The following GFRA1 variants were observed in gnomAD, a reference collection of about 807,000 sequenced individuals.
GFRA1 encodes GDNF family receptor alpha 1.
Under a neutral mutation model 51.6 loss-of-function variants are expected in GFRA1, and 16 were observed. The observed-to-expected ratio is 0.31, with a 90% confidence interval of 0.21 to 0.47. The LOEUF is 0.47. Among genes scored for constraint, GFRA1 ranks in the 20% least tolerant of loss-of-function variants. The probability of loss-of-function intolerance (pLI) is 1.00; values close to 1 mark genes in which losing one functional copy is unlikely to be tolerated. For missense variants in GFRA1, 530 were observed against 594.3 expected, an observed-to-expected ratio of 0.89 and a Z score of 1.13; for synonymous variants, 270 against 241.3, an observed-to-expected ratio of 1.12 and a Z score of -1.10.
intron 6 of GFRA1, among the ~76,000 whole-genome samples, chr10:116,116,167 T>C (rs568553337): frequency 2.0e-5 from 3 of 152,278 alleles, no homozygotes; most frequent in South Asian, 4.1e-4. Flanking sequence ...CGATCTCCAC[T>C]CACTGCAGCC....
Position 116,184,483 on chromosome 10 carries a change from T to C in GFRA1, c.433+27148A>G, listed in dbSNP as rs993128450. On this transcript the variant is annotated intron_variant, in intron 5 of 10. Transcript: ENST00000355422. ...TGTGCTTCCCCAGTGGAGCAACACA[T>C]CTTCCTTCATGAGGCCTGGCAGGGA... Among the ~76,000 whole-genome samples, 3 of 152,210 alleles carry C rather than the reference T, an allele frequency of 2.0e-5. No homozygotes were observed. In the East Asian group the frequency reaches 5.8e-4, roughly 29 times the overall value.
chr10:116,157,273 C>A (rs912322962), intron 5 of GFRA1, among the ~76,000 whole-genome samples: 1 of 152,128 alleles, frequency 6.6e-6, no homozygotes, highest in African/African-American at 2.4e-5. Flanking sequence ...AATGTCTATG[C>A]CAAAGTAGAA....
intron 9 of GFRA1, among the ~76,000 whole-genome samples, chr10:116,068,936 C>G (rs187964204): frequency 1.8e-4 from 28 of 152,328 alleles, no homozygotes; most frequent in Non-Finnish European, 3.4e-4. Flanking sequence ...AAACCCCAAA[C>G]TCCTGAGACT....
intron 8 of GFRA1, among the ~76,000 whole-genome samples, chr10:116,092,502 G>C (rs559037592): frequency 1.0e-3 from 156 of 152,232 alleles, no homozygotes; most frequent in Non-Finnish European, 1.9e-4. Flanking sequence ...GCTCTCAGAG[G>C]GGTGGGTGGC....
At chr10:116,262,914 T>G (rs1203985751) in intron 4 of GFRA1, among the ~76,000 whole-genome samples, 2 of 152,166 alleles carry the variant, frequency 1.3e-5, no homozygotes, top group African/African-American at 4.8e-5. Context: ...AAGGGAAGGC[T>G]GATCACAAGA....
At chr10:116,216,986 C>T (rs766111179) in intron 4 of GFRA1, among the ~76,000 whole-genome samples, 2 of 152,158 alleles carry the variant, frequency 1.3e-5, no homozygotes, top group Admixed American at 1.3e-4. Flanking sequence ...AACAAGAATT[C>T]AGTCGGTACA....
At position 116,271,796 on chromosome 10, in the gene GFRA1, C is replaced by T. The variant is rs368002157; in HGVS notation, c.40+194G>A. 1.4e-4 allele frequency among the ~76,000 whole-genome samples: 22 copies of T among 152,242 alleles called. No homozygotes were observed. In the East Asian group the frequency reaches 4.1e-3, roughly 28 times the overall value. On this transcript the variant is annotated intron_variant, in intron 2 of 10. Coordinates refer to ENST00000355422, the MANE Select transcript of GFRA1 (RefSeq NM_005264.8). The stretch of plus-strand genomic sequence containing the variant: ...GGAAATCAAAACCAAGCCCGAAAAG[C>T]TTCAGGCAGCGCCGCGCCGCCACCG...
intron 5 of GFRA1, among the ~76,000 whole-genome samples, chr10:116,181,114 C>T (rs1962174521): frequency 6.6e-6 from 1 of 152,114 alleles, no homozygotes; most frequent in South Asian, 2.1e-4. Context: ...TTTCTGGGAA[C>T]CCAGGTACAA....
At chr10:116,252,093 C>A (rs1407235988) in intron 4 of GFRA1, among the ~76,000 whole-genome samples, 2 of 148,982 alleles carry the variant, frequency 1.3e-5, no homozygotes, top group Non-Finnish European at 3.0e-5. Flanking sequence ...AAATATTTGC[C>A]GGGCATTTCC....
chr10:116,135,612 A>G (rs1300549717), intron 5 of GFRA1, among the ~76,000 whole-genome samples: 1 of 152,178 alleles, frequency 6.6e-6, no homozygotes, highest in East Asian at 1.9e-4. Context: ...AAGTATAGAG[A>G]GGCACAATTA....
In GFRA1 at chr10:116,269,975, T is replaced by C. The variant is rs954938107; in HGVS notation, c.335-389A>G. On this transcript the variant is annotated intron_variant, in intron 3 of 10. Coordinates refer to ENST00000355422, the MANE Select transcript of GFRA1 (RefSeq NM_005264.8). The stretch of plus-strand genomic sequence containing the variant: ...TTCTGCTTGCTCCCAAAACCTGGCA[T>C]ACGGTTGGAAAGCAGGTACCATGGC... 3.3e-5 allele frequency among the ~76,000 whole-genome samples: 5 copies of C among 152,240 alleles called. No homozygotes were observed. The South Asian group carries it at 6.2e-4, about 19-fold the overall frequency.
chr10:116,075,974 GA>G lies in GFRA1; in HGVS notation c.1198-10349del, dbSNP rs373211321. Reference sequence around the variant, plus strand: ...TTAGCCAAGATGGTCTCGATCTCCTGAACTCGTGATCCACCCACCTCGGCCT... The same window carrying G: ...TTAGCCAAGATGGTCTCGATCTCCTGACTCGTGATCCACCCACCTCGGCCT... On this transcript the variant is annotated intron_variant, in intron 9 of 10. Coordinates refer to ENST00000355422, the MANE Select transcript of GFRA1 (RefSeq NM_005264.8). Among the ~76,000 whole-genome samples the G allele has an allele frequency of 7.6e-3, 1,153 of 152,082 alleles. 23 individuals are homozygous for G. The highest frequency in any genetic ancestry group is 0.026 in the African/African-American group (1,097 of 41,468).
chr10:116,076,999 T>C (rs529182395), intron 9 of GFRA1, among the ~76,000 whole-genome samples: 1 of 152,342 alleles, frequency 6.6e-6, no homozygotes, highest in South Asian at 2.1e-4. Context: ...TAGGGATCCC[T>C]TTCTGCCATT....
At chr10:116,199,349 T>C (rs992142517) in intron 5 of GFRA1, among the ~76,000 whole-genome samples, 1 of 152,216 alleles carries the variant, frequency 6.6e-6, no homozygotes, top group Non-Finnish European at 1.5e-5. Flanking sequence ...GGTCCACCTC[T>C]GACAGACCTC....
intron 5 of GFRA1, among the ~76,000 whole-genome samples, chr10:116,208,193 C>A (rs1299184160): frequency 1.3e-5 from 2 of 152,000 alleles, no homozygotes; most frequent in Non-Finnish European, 2.9e-5. Context: ...CTGTCCTCCC[C>A]CAGATACTTC....
At chr10:116,173,936 C>T (rs555164418) in intron 5 of GFRA1, among the ~76,000 whole-genome samples, 22 of 152,152 alleles carry the variant, frequency 1.4e-4, no homozygotes, top group African/African-American at 4.3e-4. Flanking sequence ...CAAAACTAGC[C>T]GGGCATGGTG....
intron 5 of GFRA1, among the ~76,000 whole-genome samples, chr10:116,174,829 A>G (rs1287708830): frequency 1.3e-5 from 2 of 152,146 alleles, no homozygotes; most frequent in African/African-American, 2.4e-5. Context: ...TTAAAACATG[A>G]TTTTTCTCTC....
At chr10:116,243,557 GGT>G (rs1967588113) in intron 4 of GFRA1, among the ~76,000 whole-genome samples, 1 of 131,736 alleles carries the variant, frequency 7.6e-6, no homozygotes, top group Admixed American at 7.8e-5. Flanking sequence ...AAAAGGGTTT[GGT>G]TTTTTTTTTA....
intron 5 of GFRA1, among the ~76,000 whole-genome samples, chr10:116,154,362 T>C (rs994409205): frequency 6.6e-6 from 1 of 152,218 alleles, no homozygotes; most frequent in African/African-American, 2.4e-5. Flanking sequence ...AGTCATACGA[T>C]AGAAAAACAT....
Sources: allele counts gnomAD v4.1 joint callset (sites outside exome capture counted in the v4.1 genomes callset), GRCh38; gene constraint gnomAD v4.1.1; transcripts MANE v1.5; gene names NCBI Gene and HGNC (gene_info 2026-07-23, HGNC 2026-07-21).